COL24A1: variants seen among roughly 807,000 people sequenced by gnomAD.
COL24A1 encodes collagen alpha-1(XXIV) chain.
COL24A1 carries 224 observed loss-of-function variants against 253.9 expected under a neutral mutation model. The observed-to-expected ratio is 0.88, with a 90% confidence interval of 0.79 to 0.99. The LOEUF is 0.99. Ranked by LOEUF, COL24A1 falls within the 50% of genes least tolerant of loss-of-function variation. The probability of loss-of-function intolerance (pLI) is 0.00; values close to 1 mark genes in which losing one functional copy is unlikely to be tolerated. For synonymous variants in COL24A1, 685 were observed against 673.7 expected, an observed-to-expected ratio of 1.02 and a Z score of -0.26; for missense variants, 2,131 against 2,068.5, an observed-to-expected ratio of 1.03 and a Z score of -0.59.
At chr1:86,129,348 C>A (rs893353767) in intron 2 of COL24A1, among the ~76,000 whole-genome samples, 1 of 151,372 alleles carries the variant, frequency 6.6e-6, no homozygotes, top group African/African-American at 2.4e-5. Flanking sequence ...CATTATTGGT[C>A]ATTTCAAATG....
intron 20 of COL24A1, among the ~76,000 whole-genome samples, chr1:85,983,925 A>G (rs536544197): frequency 2.0e-4 from 30 of 152,002 alleles, no homozygotes; most frequent in African/African-American, 6.5e-4. Flanking sequence ...TATAACATCA[A>G]TTAGTCTCAT....
intron 57 of COL24A1, among the ~76,000 whole-genome samples, chr1:85,742,142 T>TC (rs1220946752): frequency 4.7e-5 from 7 of 150,260 alleles, no homozygotes; most frequent in Non-Finnish European, 3.0e-5. Flanking sequence ...TTTTTCTTTT[T>TC]TTTTCTTTTG....
At chr1:86,013,063 G>A (rs1035134958) in intron 19 of COL24A1, among the ~76,000 whole-genome samples, 3 of 152,144 alleles carry the variant, frequency 2.0e-5, no homozygotes, top group Non-Finnish European at 2.9e-5. Flanking sequence ...TATGAGGTTG[G>A]TACTATTAAT....
At chr1:85,942,783 T>G (rs1479513463) in intron 24 of COL24A1, among the ~76,000 whole-genome samples, 1 of 152,220 alleles carries the variant, frequency 6.6e-6, no homozygotes, top group African/African-American at 2.4e-5. Flanking sequence ...TCACGTTAGT[T>G]ACATCACATT....
intron 19 of COL24A1, among the ~76,000 whole-genome samples, chr1:85,997,037 A>ATGTGTGTG (rs1215662939): frequency 6.5e-5 from 4 of 61,610 alleles, no homozygotes; most frequent in South Asian, 1.1e-3. Flanking sequence ...GTATATATAT[A>ATGTGTGTG]TATATGTGTG....
intron 24 of COL24A1, among the ~76,000 whole-genome samples, chr1:85,933,444 G>A (rs766744874): frequency 2.6e-5 from 4 of 152,124 alleles, no homozygotes; most frequent in Non-Finnish European, 4.4e-5. Context: ...GAGAGAAGAT[G>A]CTGGCAGGAT....
chr1:86,080,709 A>C (rs760476495), intron 7 of COL24A1, among the ~76,000 whole-genome samples: 6 of 152,150 alleles, frequency 3.9e-5, no homozygotes, highest in Non-Finnish European at 8.8e-5. Context: ...ATATGTTATC[A>C]ATACGTTACC....
At chr1:86,111,015 T>C (rs1210528255) in intron 5 of COL24A1, among the ~76,000 whole-genome samples, 1 of 152,102 alleles carries the variant, frequency 6.6e-6, no homozygotes, top group Non-Finnish European at 1.5e-5. Context: ...GGCTCCTGAG[T>C]ATGGTGGGGA....
intron 10 of COL24A1, among the ~76,000 whole-genome samples, chr1:86,053,169 C>A (rs933817990): frequency 3.3e-5 from 5 of 152,034 alleles, no homozygotes; most frequent in African/African-American, 9.7e-5. Flanking sequence ...TTTTCAGAAT[C>A]ATCTGTTGAT....
intron 24 of COL24A1, among the ~76,000 whole-genome samples, chr1:85,955,707 G>A (rs976633949): frequency 9.9e-5 from 15 of 152,124 alleles, no homozygotes; most frequent in African/African-American, 3.6e-4. Flanking sequence ...AGAAAAAATT[G>A]GAAATAAAAT....
At chr1:85,872,517 C>T (rs1350185072) in intron 35 of COL24A1, among the ~76,000 whole-genome samples, 3 of 151,938 alleles carry the variant, frequency 2.0e-5, no homozygotes, top group Non-Finnish European at 2.9e-5. Context: ...AGAACAGAGC[C>T]CTCAGAAATA....
chr1:85,964,039 T>G (rs1433174307), intron 23 of COL24A1, among the ~76,000 whole-genome samples: 3 of 152,146 alleles, frequency 2.0e-5, no homozygotes, highest in Non-Finnish European at 4.4e-5. Flanking sequence ...AAAACATACT[T>G]CAGCTCATAT....
chr1:85,895,391 A>T (rs1017165286), intron 31 of COL24A1, among the ~76,000 whole-genome samples: 11 of 152,206 alleles, frequency 7.2e-5, no homozygotes, highest in African/African-American at 2.7e-4. Context: ...ACTAGGCAAG[A>T]GGCCTGAAAA....
At chr1:86,058,061 G>T in intron 9 of COL24A1, 86 bp from the exon 10 acceptor site, 1 of 1,048,832 alleles carries the variant, frequency 9.5e-7, no homozygotes, top group African/African-American at 1.6e-5. Context: ...CATATAAAGA[G>T]CTATCATTTT....
chr1:85,850,444 G>A (rs965119381), intron 37 of COL24A1, among the ~76,000 whole-genome samples: 15 of 152,302 alleles, frequency 9.8e-5, no homozygotes, highest in African/African-American at 3.6e-4. Flanking sequence ...CTATGCTCCT[G>A]AGAAAATGCT....
intron 53 of COL24A1, among the ~76,000 whole-genome samples, chr1:85,771,562 A>G (rs1667960543): frequency 6.6e-6 from 1 of 152,164 alleles, no homozygotes; most frequent in Non-Finnish European, 1.5e-5. Flanking sequence ...CAATAAACAT[A>G]CGTGTGCATG....
rs548063866 is a variant in COL24A1 at position 86,085,989 on chromosome 1, T to C, written c.1707+3185A>G. On this transcript the variant is annotated intron_variant, in intron 7 of 59. Transcript: ENST00000370571. ...CAGTTTTCAAGACTTTTTTTTTACA[T>C]TAATCTTCTCTTTATTTACCTCAAC... is the stretch of plus-strand genomic sequence containing the variant. 4.7e-4 allele frequency among the ~76,000 whole-genome samples: 72 copies of C among 152,300 alleles called. 1 individual carries two copies. In the South Asian group the frequency reaches 0.012, roughly 26 times the overall value.
chr1:86,103,655 G>A (rs1196461460), intron 5 of COL24A1, among the ~76,000 whole-genome samples: 1 of 152,148 alleles, frequency 6.6e-6, no homozygotes, highest in Non-Finnish European at 1.5e-5. Flanking sequence ...AGTTTGGCTG[G>A]ATACAAAATT....
rs1337567911 is a variant in COL24A1, at chr1:86,050,197, C to G, written c.1852-20G>C. On this transcript the variant is annotated intron_variant, in intron 10 of 59. Transcript: ENST00000370571. ...AAAACCCTTAAAACAAGAAAATAGTCTGTATATTAGTTCATTTGAATATTC... is the reference window on the plus strand; with the variant it reads ...AAAACCCTTAAAACAAGAAAATAGTGTGTATATTAGTTCATTTGAATATTC... The G allele has an allele frequency of 4.4e-6, 7 of 1,607,342 alleles. No individual in the cohort carries two copies. The East Asian group carries it at 1.3e-4, about 31-fold the overall frequency.
Sources: gnomAD v4.1 joint callset for allele counts (sites outside exome capture counted in the v4.1 genomes callset) on GRCh38, gnomAD v4.1.1 for gene constraint, MANE v1.5 for transcripts, NCBI Gene and HGNC (gene_info 2026-07-23, HGNC 2026-07-21) for gene names.